FBN3: variants seen among roughly 807,000 people sequenced by gnomAD.
FBN3 encodes fibrillin-3.
Under a neutral mutation model 330.1 loss-of-function variants are expected in FBN3, and 234 were observed. That is an observed-to-expected ratio of 0.71 (90% CI 0.64 to 0.79). FBN3 has a LOEUF of 0.79. Ranked by LOEUF, FBN3 falls within the 30% of genes least tolerant of loss-of-function variation. The probability of loss-of-function intolerance (pLI) is 0.00; values close to 1 mark genes in which losing one functional copy is unlikely to be tolerated. For missense variants in FBN3, 3,606 were observed against 3,886.9 expected (o/e 0.93, Z 1.92); for synonymous variants, 1,458 against 1,517.3 (o/e 0.96, Z 0.91).
chr19:8,094,870 A>G (rs1368600440), intron 46 of FBN3, among the ~76,000 whole-genome samples: 1 of 152,220 alleles, frequency 6.6e-6, no homozygotes, highest in African/African-American at 2.4e-5. Context: ...CGCTTCTACT[A>G]TTCTTTGCTT....
At chr19:8,148,860 CTG>C (rs1364575440) in intron 1 of FBN3, 1 of 152,334 alleles carries the variant, frequency 6.6e-6, no homozygotes, top group African/African-American at 2.4e-5. Flanking sequence ...AGTCCGCACT[CTG>C]AGGCTCCGTG....
rs577693328 is a variant in FBN3 at position 8,090,455 on chromosome 19, G to A, written c.6032-204C>T. Among the ~76,000 whole-genome samples, 18 of 150,006 alleles carry A rather than the reference G, an allele frequency of 1.2e-4. No individual in the cohort carries two copies. The South Asian group carries it at 3.6e-3, about 30-fold the overall frequency. On this transcript the variant is annotated intron_variant, in intron 48 of 63. Transcript: ENST00000600128. ...CTGGGCCAATGAGGATCTGCCCTGG[G>A]TTTTTAGTTGTTGTTGTTGGTGGTG...
Position 8,131,936 on chromosome 19 carries a change from T to C in FBN3, c.1715-107A>G, listed in dbSNP as rs1043792550. ...CTTCCCAGCCATTCTATTTCTTTCCTTTCCAGTTTCTTGTCTTTCCAGTTT... is the reference window on the plus strand; with the variant it reads ...CTTCCCAGCCATTCTATTTCTTTCCCTTCCAGTTTCTTGTCTTTCCAGTTT... On this transcript the variant is annotated intron_variant, in intron 14 of 63. Coordinates refer to ENST00000600128, the MANE Select transcript of FBN3 (RefSeq NM_032447.5). This position sits in a 1 kb window ranked among gnomAD's most constrained non-coding sequence, Gnocchi z 4.5. The C allele has an allele frequency of 9.3e-6, 12 of 1,294,568 alleles. No homozygotes were observed. Among genetic ancestry groups the C allele is most frequent in the Non-Finnish European group, 1.2e-5 (12 of 982,328 alleles). The allele number at this position is 1,294,568 out of a possible 1,614,324, so 80.2% of individuals were successfully genotyped here.
rs150892478 is a variant in FBN3, at chr19:8,141,982, G to A, written c.697C>T (p.Arg233Cys). ...TGGATATTGGGGATGAAGCCGCGGCGGCAGGGGTGTGGCTGTGCAGGGCAA... is the reference window on the plus strand; with the variant it reads ...TGGATATTGGGGATGAAGCCGCGGCAGCAGGGGTGTGGCTGTGCAGGGCAA... The part of the protein sequence containing the change: ...ELCPAQPHPC[R>C]RGFIPNIHTG... Residue 233 changes from arginine (R) to cysteine (C), a missense_variant, in exon 7 of 64, where the codon CGC becomes TGC. Arg to Cys is a radical substitution (Grantham distance 180). Transcript: ENST00000600128. The A allele has an allele frequency of 4.3e-5, 70 of 1,614,028 alleles. No homozygotes were observed. Among genetic ancestry groups the A allele is most frequent in the Middle Eastern group, 1.6e-4 (1 of 6,084 alleles).
chr19:8,082,313 CTCTT>C (rs376424841), intron 57 of FBN3, among the ~76,000 whole-genome samples: 57 of 151,226 alleles, frequency 3.8e-4, no homozygotes, highest in African/African-American at 1.1e-3. Flanking sequence ...TTCTCCCTTT[CTCTT>C]TCTTTCTTTC....
At chr19:8,146,755 C>G (rs1309408692) in intron 3 of FBN3, among the ~76,000 whole-genome samples, 2 of 151,798 alleles carry the variant, frequency 1.3e-5, no homozygotes, top group African/African-American at 4.8e-5. Flanking sequence ...TCGCTTGAGG[C>G]CAGAGTTTGA....
chr19:8,107,068 T>G (rs2082455434), intron 37 of FBN3, among the ~76,000 whole-genome samples: 4 of 141,394 alleles, frequency 2.8e-5, no homozygotes, highest in South Asian at 2.3e-4. Flanking sequence ...GAGGGATGAG[T>G]GATGAATGGA....
At chr19:8,147,257 C>G in intron 2 of FBN3, 57 bp downstream of exon 2, 1 of 1,563,632 alleles carries the variant, frequency 6.4e-7, no homozygotes, top group Non-Finnish European at 8.7e-7. Context: ...TTCCGCTGGC[C>G]CCAGGACAGC....
chr19:8,124,466 G>A (rs950792339), intron 22 of FBN3, among the ~76,000 whole-genome samples: 5 of 150,944 alleles, frequency 3.3e-5, no homozygotes, highest in South Asian at 2.1e-4. Flanking sequence ...GGCTGATCTC[G>A]AACTCAAGTG....
At chr19:8,075,258 G>A (rs757071505) in intron 60 of FBN3, 25 bp downstream of exon 60, 2 of 1,601,036 alleles carry the variant, frequency 1.2e-6, no homozygotes, top group East Asian at 2.2e-5. Context: ...CCAAACACTA[G>A]ACCCCAGCCA....
chr19:8,083,632 A>G (rs2081860559), intron 56 of FBN3, among the ~76,000 whole-genome samples: 1 of 150,508 alleles, frequency 6.6e-6, no homozygotes, highest in East Asian at 2.0e-4. Context: ...ACACCTCCTC[A>G]GTGCACCAAC....
rs781489452 is a variant in FBN3 at position 8,141,932 on chromosome 19, C to T, written c.739+8G>A. The T allele has an allele frequency of 6.2e-7, 1 of 1,614,142 alleles. No homozygotes were observed. The highest frequency in any genetic ancestry group is 1.1e-5 in the South Asian group (1 of 91,084). ...GGCCTCCCACTCAGCCCTGACCCCA[C>T]TATTCACCTTGGCAGGCCCCCGTGT... On this transcript the variant is annotated splice_region_variant and intron_variant, in intron 7 of 63. Coordinates refer to ENST00000600128, the MANE Select transcript of FBN3 (RefSeq NM_032447.5).
intron 30 of FBN3, among the ~76,000 whole-genome samples, chr19:8,114,980 T>C (rs890925989): frequency 3.9e-5 from 6 of 152,154 alleles, no homozygotes; most frequent in Non-Finnish European, 7.4e-5. Flanking sequence ...ATGATTCTCC[T>C]GCCCCAGCCT....
At position 8,096,465 on chromosome 19, in the gene FBN3, C is replaced by T. The variant is rs1337405822; in HGVS notation, c.5518G>A (p.Ala1840Thr). The T allele has an allele frequency of 1.2e-6, 2 of 1,613,946 alleles. No individual in the cohort carries two copies. The highest frequency in any genetic ancestry group is 1.7e-6 in the Non-Finnish European group (2 of 1,179,936). Residue 1840 changes from alanine (A) to threonine (T), a missense_variant, in exon 44 of 64, where the codon GCA becomes ACA. By Grantham distance (58) the Ala-to-Thr change is moderately conservative (BLOSUM62 0). Coordinates refer to ENST00000600128, the MANE Select transcript of FBN3 (RefSeq NM_032447.5). The surrounding 1 kb of genome is among the most constrained non-coding windows in gnomAD (Gnocchi z 4.6). ...CLCHRGFQAS[A>T]DQTLCMDIDE... ...TCACCCATGCACAGGGTCTGGTCTGCAGAGGCCTGGAATCCACGGTGACAC... is the reference window on the plus strand; with the variant it reads ...TCACCCATGCACAGGGTCTGGTCTGTAGAGGCCTGGAATCCACGGTGACAC...
At position 8,081,454 on chromosome 19, in the gene FBN3, T is replaced by G. The variant is rs746831581; in HGVS notation, c.7240A>C (p.Lys2414Gln). Residue 2414 changes from lysine (K) to glutamine (Q), a missense_variant, in exon 58 of 64, where the codon AAG (lysine) becomes CAG (glutamine). Transcript: ENST00000600128. Reference protein sequence around the residue: ...LDMDECSQVPKPCTFLCKNTK... With the variant: ...LDMDECSQVPQPCTFLCKNTK... ...TTTTTGCAGAGGAAGGTACATGGCT[T>G]GGGGACCTGGCTGCACTCATCCATA... 3 of 1,611,032 alleles carry G rather than the reference T, an allele frequency of 1.9e-6. No homozygotes were observed. In the Admixed American group the frequency reaches 5.0e-5, roughly 27 times the overall value.
chr19:8,066,324 G>T, intron 63 of FBN3, 64 bp from the exon 64 acceptor site: 1 of 1,237,626 alleles, frequency 8.1e-7, no homozygotes, highest in Non-Finnish European at 1.1e-6. Context: ...GTGGGTAGGG[G>T]GTCCTCGGAT....
Position 8,085,579 on chromosome 19 carries a change from A to G in FBN3, c.6881-10T>C. The G allele has an allele frequency of 1.3e-6, 2 of 1,534,726 alleles. No homozygotes were observed. Among genetic ancestry groups the G allele is most frequent in the Non-Finnish European group, 1.8e-6 (2 of 1,141,296 alleles). ...GGCCCCTGCCGGATGTCTGCAGAGAACAATGGGAAAGACAACGGTCACTCC... is the reference window on the plus strand; with the variant it reads ...GGCCCCTGCCGGATGTCTGCAGAGAGCAATGGGAAAGACAACGGTCACTCC... On this transcript the variant is annotated splice_polypyrimidine_tract_variant and intron_variant, in intron 55 of 63. Coordinates refer to ENST00000600128, the MANE Select transcript of FBN3 (RefSeq NM_032447.5).
chr19:8,116,680 A>T lies in FBN3; in HGVS notation c.3706T>A (p.Cys1236Ser), dbSNP rs760843734. ...GFMATPDMRTCVDVDECDLNP... is the reference protein window; with the variant it reads ...GFMATPDMRTSVDVDECDLNP... ...CACCGTCCCGGCTCCTCACCAACAC[A>T]TGTCCTCATGTCTGGCGTGGCCATG... is the stretch of plus-strand genomic sequence containing the variant. Residue 1236 changes from cysteine to serine, a missense_variant, in exon 29 of 64, where the codon TGT becomes AGT. Physicochemically the swap from Cys to Ser is moderately radical, Grantham distance 112. Transcript: ENST00000600128. 1 of 1,612,744 alleles carries T rather than the reference A, an allele frequency of 6.2e-7. No individual in the cohort carries two copies. The highest frequency in any genetic ancestry group is 1.1e-5 in the South Asian group (1 of 91,006).
intron 59 of FBN3, 96 bp from the exon 60 acceptor site, chr19:8,075,507 A>T: frequency 7.6e-7 from 1 of 1,315,024 alleles, no homozygotes; most frequent in Non-Finnish European, 1.1e-6. Flanking sequence ...GCTTCAGGCA[A>T]GTTGCTCACC....
Sources: gnomAD v4.1 joint callset for allele counts (sites outside exome capture counted in the v4.1 genomes callset) on GRCh38, gnomAD v4.1.1 for gene constraint, Gnocchi (gnomAD v3.1) non-coding constraint, MANE v1.5 for transcripts, NCBI Gene and HGNC (gene_info 2026-07-23, HGNC 2026-07-21) for gene names.